DPP6: variants seen among roughly 807,000 people sequenced by gnomAD.
The protein encoded by DPP6 is dipeptidyl peptidase like 6.
DPP6 carries 69 observed loss-of-function variants against 122.6 expected under a neutral mutation model. The ratio of observed to expected loss-of-function variants is 0.56; its 90% CI spans 0.46 to 0.69. DPP6 has a LOEUF of 0.69. DPP6 is among the 30% of genes least tolerant of loss of function. DPP6 has a pLI of 0.00. For missense variants in DPP6, 928 were observed against 1,116.9 expected, an observed-to-expected ratio of 0.83 and a Z score of 2.41; for synonymous variants, 418 against 433.1, an observed-to-expected ratio of 0.97 and a Z score of 0.43.
chr7:153,770,899 G>A, the DPP6 span, among the ~76,000 whole-genome samples: 1,792 of 152,242 alleles, frequency 0.012, 12 homozygotes, highest in Middle Eastern at 0.024. Flanking sequence ...TGGATTAATA[G>A]AATTTTTACA....
chr7:153,884,147 C>A (rs1023519767), upstream of DPP6, among the ~76,000 whole-genome samples: 1 of 152,178 alleles, frequency 6.6e-6, no homozygotes, highest in Non-Finnish European at 1.5e-5. Context: ...TCTCCTAATG[C>A]TATCCCTCCC....
rs1360271640 is a variant in DPP6, at chr7:154,861,394, G to A, written c.1715-6601G>A. On this transcript the variant is annotated intron_variant, in intron 17 of 25. Transcript: ENST00000377770. ...CATAATCCTATGATATCTAAGTATTGTGGCAATTTGATACTTACCACTGCC... is the reference window on the plus strand; with the variant it reads ...CATAATCCTATGATATCTAAGTATTATGGCAATTTGATACTTACCACTGCC... 3.9e-5 allele frequency among the ~76,000 whole-genome samples: 6 copies of A among 152,036 alleles called. No homozygotes were observed. The East Asian group carries it at 5.8e-4, about 15-fold the overall frequency.
At chr7:153,923,095 G>T (rs2129009389) in intron 1 of DPP6, among the ~76,000 whole-genome samples, 1 of 152,348 alleles carries the variant, frequency 6.6e-6, no homozygotes, top group African/African-American at 2.4e-5. Flanking sequence ...AGGATGGAAT[G>T]GTGAAACCAG....
the DPP6 span, among the ~76,000 whole-genome samples, chr7:153,874,244 G>A: frequency 1.0e-3 from 127 of 125,022 alleles, no homozygotes; most frequent in African/African-American, 3.9e-3. Flanking sequence ...AAGCGCGCGT[G>A]CGCACATGCA....
At chr7:154,179,966 A>G (rs1054227193) in intron 1 of DPP6, among the ~76,000 whole-genome samples, 3 of 152,232 alleles carry the variant, frequency 2.0e-5, no homozygotes, top group African/African-American at 7.2e-5. Flanking sequence ...TTAAAAATTG[A>G]GACTCTCATA....
chr7:154,410,283 T>C (rs1336028375), intron 1 of DPP6, among the ~76,000 whole-genome samples: 1 of 152,216 alleles, frequency 6.6e-6, no homozygotes, highest in Non-Finnish European at 1.5e-5. Flanking sequence ...TTTAGATATG[T>C]GCATTTCCTG....
chr7:154,663,607 G>A (rs4960702), intron 6 of DPP6, among the ~76,000 whole-genome samples: 1 of 35,056 alleles, frequency 2.9e-5, no homozygotes, highest in African/African-American at 5.5e-5. Flanking sequence ...ACCATGGCGT[G>A]TTGGCCCTAG....
At chr7:154,513,065 A>G (rs1360128034) in intron 3 of DPP6, among the ~76,000 whole-genome samples, 1 of 152,172 alleles carries the variant, frequency 6.6e-6, no homozygotes, top group African/African-American at 2.4e-5. Flanking sequence ...TAAAAGTGTG[A>G]CACCCCAAAT....
chr7:154,886,757 C>A (rs2150695967), intron 22 of DPP6, among the ~76,000 whole-genome samples: 1 of 152,316 alleles, frequency 6.6e-6, no homozygotes, highest in Non-Finnish European at 1.5e-5. Flanking sequence ...ACACCTAGCC[C>A]TAGCCCTGCT....
At chr7:154,405,317 G>C (rs1192105791) in intron 1 of DPP6, among the ~76,000 whole-genome samples, 1 of 152,150 alleles carries the variant, frequency 6.6e-6, no homozygotes, top group Non-Finnish European at 1.5e-5. Context: ...TTGGATAAAA[G>C]TTTCCCAATA....
intron 1 of DPP6, among the ~76,000 whole-genome samples, chr7:153,900,110 G>A (rs1799580267): frequency 6.6e-6 from 1 of 152,138 alleles, no homozygotes; most frequent in Admixed American, 6.5e-5. Flanking sequence ...CTCAGAGGGT[G>A]GGTGATTCTG....
intron 1 of DPP6, among the ~76,000 whole-genome samples, chr7:154,363,290 A>G (rs1047070497): frequency 2.0e-5 from 3 of 152,148 alleles, no homozygotes; most frequent in South Asian, 4.1e-4. Context: ...GAAATGCTCA[A>G]TGTTCCAGAA....
chr7:154,061,916 TC>T (rs1802004383), intron 1 of DPP6, among the ~76,000 whole-genome samples: 14 of 126,382 alleles, frequency 1.1e-4, no homozygotes, highest in Non-Finnish European at 2.0e-4. Context: ...CCCCCCTGGC[TC>T]TGAGGACCCC....
At chr7:153,842,162 G>A in the DPP6 span, among the ~76,000 whole-genome samples, 7 of 152,238 alleles carry the variant, frequency 4.6e-5, no homozygotes, top group Non-Finnish European at 1.0e-4. Context: ...CTGCAAATTT[G>A]CCCTCCAGAA....
At chr7:154,562,124 A>G (rs1461800486) in intron 4 of DPP6, among the ~76,000 whole-genome samples, 2 of 152,162 alleles carry the variant, frequency 1.3e-5, no homozygotes, top group East Asian at 1.9e-4. Flanking sequence ...AATAAAAACC[A>G]AACAAAGAAG....
At chr7:154,428,033 T>C (rs745739885) in intron 1 of DPP6, among the ~76,000 whole-genome samples, 10 of 152,226 alleles carry the variant, frequency 6.6e-5, no homozygotes, top group Non-Finnish European at 1.3e-4. Context: ...CTGAGTAACT[T>C]TGTTTAAAAG....
chr7:153,797,919 A>T, the DPP6 span, among the ~76,000 whole-genome samples: 1 of 151,896 alleles, frequency 6.6e-6, no homozygotes, highest in Non-Finnish European at 1.5e-5. Flanking sequence ...TTGGCTCACT[A>T]TAAGCTCCGC....
intron 1 of DPP6, among the ~76,000 whole-genome samples, chr7:154,288,136 C>A (rs778029196): frequency 2.0e-5 from 3 of 152,188 alleles, no homozygotes; most frequent in Non-Finnish European, 4.4e-5. Context: ...AAAACTTCCT[C>A]TGGTTTTCTT....
intron 1 of DPP6, among the ~76,000 whole-genome samples, chr7:153,961,781 A>G (rs1340047731): frequency 1.3e-5 from 1 of 77,924 alleles, no homozygotes; most frequent in South Asian, 5.2e-4. Context: ...TTGGATTCTC[A>G]TAAGGAGCTG....
Sources: allele counts gnomAD v4.1 joint callset (sites outside exome capture counted in the v4.1 genomes callset), GRCh38; gene constraint gnomAD v4.1.1; transcripts MANE v1.5; gene names NCBI Gene and HGNC (gene_info 2026-07-23, HGNC 2026-07-21).